The following NBAS variants were observed in gnomAD, a reference collection of about 807,000 sequenced individuals.
NBAS encodes NAG/BC035112 fusion.
Under a neutral mutation model 302.5 loss-of-function variants are expected in NBAS, and 219 were observed. The ratio of observed to expected loss-of-function variants is 0.72; its 90% CI spans 0.65 to 0.81. NBAS has a LOEUF of 0.81. Ranked by LOEUF, NBAS falls within the 30% of genes least tolerant of loss-of-function variation. NBAS has a pLI of 0.00. For synonymous variants in NBAS, 1,118 were observed against 1,021.6 expected (o/e 1.09, Z -1.80); for missense variants, 2,932 against 2,841.6 (o/e 1.03, Z -0.72).
chr2:15,239,790 C>T (rs1667780408), intron 44 of NBAS, among the ~76,000 whole-genome samples: 1 of 151,800 alleles, frequency 6.6e-6, no homozygotes, highest in Non-Finnish European at 1.5e-5. Flanking sequence ...CGTTTTCACC[C>T]ATTTATTCAG....
intron 12 of NBAS, among the ~76,000 whole-genome samples, chr2:15,480,826 G>T (rs1680400150): frequency 6.6e-6 from 1 of 152,134 alleles, no homozygotes; most frequent in Admixed American, 6.5e-5. Flanking sequence ...TTATTGAGGT[G>T]ATCTTAGCAT....
the NBAS span, among the ~76,000 whole-genome samples, chr2:14,795,696 C>A: frequency 6.6e-6 from 1 of 152,278 alleles, no homozygotes; most frequent in Middle Eastern, 3.4e-3. Flanking sequence ...TAAATCGTTG[C>A]TGTAGGTAAG....
chr2:14,813,902 G>A, the NBAS span, among the ~76,000 whole-genome samples: 2,396 of 152,220 alleles, frequency 0.016, 73 homozygotes, highest in African/African-American at 0.054. Context: ...AATTTGGGGG[G>A]GCCAGGCCCA....
At chr2:15,286,384 C>A (rs1454365101) in intron 42 of NBAS, among the ~76,000 whole-genome samples, 1 of 152,186 alleles carries the variant, frequency 6.6e-6, no homozygotes, top group Non-Finnish European at 1.5e-5. Flanking sequence ...AACTAACCTT[C>A]TATTATCCTA....
At chr2:15,253,785 G>A (rs571323790) in intron 44 of NBAS, among the ~76,000 whole-genome samples, 58 of 152,274 alleles carry the variant, frequency 3.8e-4, no homozygotes, top group African/African-American at 1.4e-3. Flanking sequence ...AATTCAGAAT[G>A]CTGGTGTATA....
chr2:15,267,232 G>C (rs1572557025), intron 44 of NBAS, among the ~76,000 whole-genome samples: 1 of 152,264 alleles, frequency 6.6e-6, no homozygotes, highest in East Asian at 1.9e-4. Flanking sequence ...GCTTCGCAAA[G>C]GCAAGGGCCA....
intron 11 of NBAS, among the ~76,000 whole-genome samples, chr2:15,492,890 G>T (rs530227987): frequency 6.6e-6 from 1 of 152,188 alleles, no homozygotes; most frequent in Non-Finnish European, 1.5e-5. Context: ...TAAATTCTAT[G>T]AACAGAGTCT....
chr2:14,872,297 GAACA>G, the NBAS span, among the ~76,000 whole-genome samples: 1 of 152,000 alleles, frequency 6.6e-6, no homozygotes, highest in African/African-American at 2.4e-5. Context: ...ACAATTGATA[GAACA>G]GACAAAAAAA....
chr2:15,002,682 G>A, the NBAS span, among the ~76,000 whole-genome samples: 5 of 152,224 alleles, frequency 3.3e-5, no homozygotes, highest in Admixed American at 6.5e-5. Context: ...CCTGCCCGGC[G>A]GGAAGGCAGC....
At chr2:15,168,551 A>T (rs1048646215) in intron 51 of NBAS, among the ~76,000 whole-genome samples, 4 of 152,228 alleles carry the variant, frequency 2.6e-5, no homozygotes, top group African/African-American at 9.6e-5. Flanking sequence ...TGGGAGTATG[A>T]CCAAGGATTC....
chr2:15,067,444 G>A, the NBAS span, among the ~76,000 whole-genome samples: 1 of 74,554 alleles, frequency 1.3e-5, no homozygotes, highest in African/African-American at 5.7e-5. Context: ...GGAGAGGAGG[G>A]GAGAGGAGGG....
Position 15,378,609 on chromosome 2 carries a change from C to T in NBAS, c.3590+993G>A, listed in dbSNP as rs116121969. On this transcript the variant is annotated intron_variant, in intron 30 of 51. Coordinates refer to ENST00000281513, the MANE Select transcript of NBAS (RefSeq NM_015909.4). ...TGCTAAGAACACTTCCATTAGCCTA[C>T]AGTTTGGCTAGGCTTTTAATCATCT... 6.7e-3 allele frequency among the ~76,000 whole-genome samples: 1,024 copies of T among 152,290 alleles called. 11 individuals are homozygous for T. The highest frequency in any genetic ancestry group is 0.022 in the African/African-American group (924 of 41,552).
intron 35 of NBAS, among the ~76,000 whole-genome samples, chr2:15,344,220 T>TA (rs1296018378): frequency 6.6e-6 from 1 of 151,194 alleles, no homozygotes; most frequent in Non-Finnish European, 1.5e-5. Context: ...ATGGCTTTAA[T>TA]AAAAAAAATT....
chr2:15,167,250 G>C lies in NBAS; in HGVS notation c.6914C>G (p.Ser2305Cys), dbSNP rs369904845. The change falls in exon 52 of 52, where the codon TCC becomes TGC. Residue 2305 changes from serine to cysteine, a missense_variant. Coordinates refer to ENST00000281513, the MANE Select transcript of NBAS (RefSeq NM_015909.4). ...LDAKLLVKCV[S>C]TPFYPRIVDH... The stretch of plus-strand genomic sequence containing the variant: ...AACAATACGTGGATAGAAGGGAGTG[G>C]AGACACACTTCACCAGCAGCTTGGC... 3.1e-6 allele frequency: 5 copies of C among 1,614,106 alleles called. No individual in the cohort carries two copies. In the African/African-American group the frequency reaches 4.0e-5, roughly 13 times the overall value.
At chr2:14,959,909 T>G in the NBAS span, among the ~76,000 whole-genome samples, 3 of 152,232 alleles carry the variant, frequency 2.0e-5, no homozygotes, top group Non-Finnish European at 1.5e-5. Context: ...ATCATTTCCT[T>G]TAGGTAAAAA....
At chr2:15,097,314 G>C in the NBAS span, among the ~76,000 whole-genome samples, 1 of 152,166 alleles carries the variant, frequency 6.6e-6, no homozygotes, top group South Asian at 2.1e-4. Context: ...CCCCTGAGGG[G>C]TAAGTCAGGG....
Position 15,470,007 on chromosome 2 carries a change from TAAAA to T in NBAS, c.1726-1478_1726-1475del, listed in dbSNP as rs199917557. ...AAAATAATAATTAAAAAATAAAAAA[TAAAA>T]AAAAAATCCCTGACTTGCCCTCTTC... On this transcript the variant is annotated intron_variant, in intron 16 of 51. Coordinates refer to ENST00000281513, the MANE Select transcript of NBAS (RefSeq NM_015909.4). Among the ~76,000 whole-genome samples the T allele has an allele frequency of 5.1e-3, 768 of 149,650 alleles. 8 individuals carry two copies. The highest frequency in any genetic ancestry group is 0.018 in the African/African-American group (737 of 40,876).
At chr2:15,409,674 C>A (rs550369972) in intron 25 of NBAS, among the ~76,000 whole-genome samples, 1 of 152,172 alleles carries the variant, frequency 6.6e-6, no homozygotes, top group East Asian at 1.9e-4. Context: ...GTCTTTATTT[C>A]TTTCCTCATA....
At chr2:14,946,945 G>A in the NBAS span, among the ~76,000 whole-genome samples, 1 of 151,952 alleles carries the variant, frequency 6.6e-6, no homozygotes, top group African/African-American at 2.4e-5. Context: ...CAAATTAGAA[G>A]AAAATTTTAA....
Sources: allele counts gnomAD v4.1 joint callset (sites outside exome capture counted in the v4.1 genomes callset), GRCh38; gene constraint gnomAD v4.1.1; transcripts MANE v1.5; gene names NCBI Gene and HGNC (gene_info 2026-07-23, HGNC 2026-07-21).